AK9: variants seen among roughly 807,000 people sequenced by gnomAD.
AK9 encodes the protein adenylate kinase 9.
Under a neutral mutation model 239.6 loss-of-function variants are expected in AK9, and 191 were observed. The ratio of observed to expected loss-of-function variants is 0.80; its 90% CI spans 0.71 to 0.90. The LOEUF (loss-of-function observed/expected upper bound fraction) is 0.90, where lower values mean the gene tolerates loss of function less well. AK9 is among the 40% of genes least tolerant of loss of function. AK9 has a pLI of 0.00. For synonymous variants in AK9, 689 were observed against 721.0 expected, an observed-to-expected ratio of 0.96 and a Z score of 0.71; for missense variants, 1,995 against 2,214.7, an observed-to-expected ratio of 0.90 and a Z score of 1.99.
At chr6:109,596,013 A>AAAAT (rs766907347) in intron 17 of AK9, among the ~76,000 whole-genome samples, 2 of 151,886 alleles carry the variant, frequency 1.3e-5, no homozygotes, top group Non-Finnish European at 2.9e-5. Context: ...AAAAAAAAGA[A>AAAAT]AAATAAATAA....
intron 10 of AK9, among the ~76,000 whole-genome samples, chr6:109,636,235 C>A (rs1796694573): frequency 1.3e-5 from 2 of 152,146 alleles, no homozygotes; most frequent in Non-Finnish European, 2.9e-5. Context: ...TCCTGCAACT[C>A]AGCAGATGCT....
chr6:109,633,278 T>C lies in AK9; in HGVS notation c.979A>G (p.Arg327Gly), dbSNP rs767247204. 1 of 1,608,808 alleles carries C rather than the reference T, an allele frequency of 6.2e-7. No homozygotes were observed. Among genetic ancestry groups the C allele is most frequent in the Admixed American group, 1.7e-5 (1 of 58,490 alleles). The change falls in exon 11 of 41, where the codon AGA becomes GGA. Residue 327 changes from arginine (R) to glycine (G), a missense_variant. Arg to Gly is a moderately radical substitution (Grantham distance 125). Coordinates refer to ENST00000424296, the MANE Select transcript of AK9 (RefSeq NM_001145128.3). Reference sequence around the variant, plus strand: ...CATTTACTTCTTTGCCATCTGTATCTTGGTGCAATAAGTTTATAAGATGCA... The same window carrying C: ...CATTTACTTCTTTGCCATCTGTATCCTGGTGCAATAAGTTTATAAGATGCA... ...TLASYKLIAP[R>G]YRWQRSKWGR...
intron 25 of AK9, among the ~76,000 whole-genome samples, chr6:109,547,210 G>A (rs1312017724): frequency 6.6e-6 from 1 of 152,186 alleles, no homozygotes; most frequent in African/African-American, 2.4e-5. Flanking sequence ...AAAAATTGAG[G>A]TTCATGAAAA....
intron 27 of AK9, among the ~76,000 whole-genome samples, chr6:109,539,376 T>C (rs919516607): frequency 9.9e-5 from 15 of 152,260 alleles, no homozygotes; most frequent in African/African-American, 3.6e-4. Context: ...CTGATACCCT[T>C]TCTTCCAGTT....
intron 29 of AK9, among the ~76,000 whole-genome samples, chr6:109,520,917 T>C (rs1307962010): frequency 6.6e-6 from 1 of 152,162 alleles, no homozygotes; most frequent in Non-Finnish European, 1.5e-5. Context: ...TAAATGTTAC[T>C]AGTATAAAGG....
intron 6 of AK9, among the ~76,000 whole-genome samples, chr6:109,660,063 T>C (rs1284739773): frequency 6.6e-6 from 1 of 152,156 alleles, no homozygotes; most frequent in African/African-American, 2.4e-5. Context: ...AGATAAGCAA[T>C]CCAAATTACA....
At chr6:109,605,875 C>T (rs1340716038) in intron 17 of AK9, among the ~76,000 whole-genome samples, 2 of 151,964 alleles carry the variant, frequency 1.3e-5, no homozygotes, top group Non-Finnish European at 2.9e-5. Flanking sequence ...TGAAAACCTT[C>T]CCCAGGATTT....
Position 109,612,163 on chromosome 6 carries a change from T to C in AK9, c.1610-70A>G, listed in dbSNP as rs777378037. ...AAATGTAGGTGATTCCCAAGGAAGA[T>C]TGTAATATAAGCCTAGGGAACCAGG... is the stretch of plus-strand genomic sequence containing the variant. On this transcript the variant is annotated intron_variant, in intron 15 of 40. Transcript: ENST00000424296. 69 of 1,047,292 alleles carry C rather than the reference T, an allele frequency of 6.6e-5. 1 individual carries two copies. The highest frequency in any genetic ancestry group is 6.1e-4 in the Admixed American group (21 of 34,504). The allele number at this position is 1,047,292 out of a possible 1,614,324, so 64.9% of individuals were successfully genotyped here.
chr6:109,589,122 T>C (rs1216940407), intron 17 of AK9, among the ~76,000 whole-genome samples: 1 of 152,216 alleles, frequency 6.6e-6, no homozygotes, highest in Non-Finnish European at 1.5e-5. Flanking sequence ...AGAATGACAT[T>C]GGTAATTTTA....
intron 28 of AK9, among the ~76,000 whole-genome samples, chr6:109,530,055 T>C (rs1477048928): frequency 1.3e-5 from 2 of 152,168 alleles, no homozygotes; most frequent in South Asian, 2.1e-4. Flanking sequence ...GATATATAGA[T>C]AGTCCTCCAA....
intron 29 of AK9, among the ~76,000 whole-genome samples, chr6:109,523,044 A>C (rs1396184636): frequency 1.3e-5 from 2 of 152,096 alleles, no homozygotes; most frequent in African/African-American, 4.8e-5. Flanking sequence ...GGTAGAGGTG[A>C]CCTTAAGGAA....
At chr6:109,573,706 T>C (rs1260284562) in intron 20 of AK9, 112 bp from the exon 21 acceptor site, 3 of 1,000,640 alleles carry the variant, frequency 3.0e-6, no homozygotes, top group African/African-American at 1.6e-5. Flanking sequence ...CCTGCCCTCC[T>C]AGAGTATGTA....
At chr6:109,609,190 G>A (rs1042864656) in intron 17 of AK9, among the ~76,000 whole-genome samples, 7 of 152,156 alleles carry the variant, frequency 4.6e-5, no homozygotes, top group African/African-American at 1.7e-4. Flanking sequence ...ACTCTGAAGA[G>A]AATGGAGAAA....
intron 1 of AK9, among the ~76,000 whole-genome samples, chr6:109,687,855 TA>T (rs1408851645): frequency 1.3e-5 from 2 of 152,224 alleles, no homozygotes; most frequent in Non-Finnish European, 2.9e-5. Context: ...AAAACTAATG[TA>T]AGTGGATGTA....
chr6:109,669,158 A>G (rs1801701174), intron 5 of AK9, among the ~76,000 whole-genome samples: 1 of 151,770 alleles, frequency 6.6e-6, no homozygotes, highest in African/African-American at 2.4e-5. Flanking sequence ...CTTCGAAGCA[A>G]TTGTGAATGG....
chr6:109,494,243 AG>A, intron 39 of AK9, 148 bp from the exon 40 acceptor site: 1 of 523,856 alleles, frequency 1.9e-6, no homozygotes, highest in Non-Finnish European at 3.5e-6. Flanking sequence ...TTAGATGACC[AG>A]TTAGCCAACA....
At chr6:109,603,819 G>T (rs1485568007) in intron 17 of AK9, among the ~76,000 whole-genome samples, 1 of 152,214 alleles carries the variant, frequency 6.6e-6, no homozygotes, top group East Asian at 1.9e-4. Flanking sequence ...TTCGATCTCA[G>T]ACTGCTGTGC....
At position 109,659,347 on chromosome 6, in the gene AK9, A is replaced by G. The variant is rs774269869; in HGVS notation, c.511T>C (p.Tyr171His). 5 of 1,612,308 alleles carry G rather than the reference A, an allele frequency of 3.1e-6. No homozygotes were observed. The highest frequency in any genetic ancestry group is 2.2e-5 in the East Asian group (1 of 44,820). Residue 171 changes from tyrosine (Y) to histidine (H), a missense_variant, in exon 7 of 41, where the codon TAC (tyrosine) becomes CAC (histidine). Transcript: ENST00000424296. ...QRQHNNTGYI[Y>H]SRDQWDPEVI... is the part of the protein sequence containing the mutation. ...TCAGGATCCCACTGGTCTCTACTGT[A>G]TATGTATCCCGTATTATTGTGCTGT...
intron 6 of AK9, chr6:109,661,018 T>C (rs1327782790): frequency 2.1e-6 from 1 of 480,570 alleles, no homozygotes; most frequent in Non-Finnish European, 4.1e-6. Context: ...GTTTTATGTA[T>C]AATTTCAAGA....
Sources: allele counts gnomAD v4.1 joint callset (sites outside exome capture counted in the v4.1 genomes callset), GRCh38; gene constraint gnomAD v4.1.1; transcripts MANE v1.5; gene names NCBI Gene and HGNC (gene_info 2026-07-23, HGNC 2026-07-21).